KIF26B: variants seen among roughly 807,000 people sequenced by gnomAD.
KIF26B encodes the protein kinesin-like protein KIF26B.
KIF26B carries 63 observed loss-of-function variants against 151.2 expected under a neutral mutation model. That is an observed-to-expected ratio of 0.42 (90% confidence interval 0.34 to 0.51). The LOEUF is 0.51. KIF26B is among the 20% of genes least tolerant of loss of function. The pLI, the probability that KIF26B is intolerant of heterozygous loss-of-function variation, is 0.07. For missense variants in KIF26B, 2,813 were observed against 2,913.6 expected (o/e 0.97, Z 0.79); for synonymous variants, 1,357 against 1,262.1 (o/e 1.08, Z -1.59).
At chr1:245,640,119 T>A (rs2043873628) in intron 9 of KIF26B, among the ~76,000 whole-genome samples, 1 of 44,984 alleles carries the variant, frequency 2.2e-5, no homozygotes, top group African/African-American at 1.1e-4. Context: ...TCTACTAATA[T>A]TTGCTCTCTC....
intron 2 of KIF26B, among the ~76,000 whole-genome samples, chr1:245,285,827 T>A (rs1408347083): frequency 4.6e-5 from 7 of 151,394 alleles, no homozygotes; most frequent in Non-Finnish European, 7.4e-5. Context: ...TACCAAAAAA[T>A]TTTTAAAAAT....
At chr1:245,293,469 CT>C (rs906254935) in intron 2 of KIF26B, among the ~76,000 whole-genome samples, 10 of 152,150 alleles carry the variant, frequency 6.6e-5, no homozygotes, top group Admixed American at 4.6e-4. Flanking sequence ...GCCCTGGTGG[CT>C]TCCAGGTCTT....
intron 4 of KIF26B, among the ~76,000 whole-genome samples, chr1:245,449,001 C>T (rs1659314829): frequency 6.6e-6 from 1 of 152,152 alleles, no homozygotes; most frequent in Non-Finnish European, 1.5e-5. Context: ...AGTAGAGAAC[C>T]TCTAATGCCT....
intron 5 of KIF26B, among the ~76,000 whole-genome samples, chr1:245,579,256 T>C (rs2043151984): frequency 6.6e-6 from 1 of 152,212 alleles, no homozygotes. Flanking sequence ...AAGAACATTC[T>C]GGAAACTTTG....
intron 2 of KIF26B, among the ~76,000 whole-genome samples, chr1:245,190,646 T>TG (rs1161030991): frequency 2.0e-5 from 3 of 151,118 alleles, no homozygotes; most frequent in Non-Finnish European, 4.4e-5. Flanking sequence ...TTTGTTTTTT[T>TG]TTTTTTTTAC....
chr1:245,344,419 C>T (rs1486284260), intron 2 of KIF26B, among the ~76,000 whole-genome samples: 1 of 144,162 alleles, frequency 6.9e-6, no homozygotes, highest in Non-Finnish European at 1.5e-5. Flanking sequence ...GGCGTGAACC[C>T]GGAGGGCGGA....
chr1:245,209,890 G>A (rs1187427431), intron 2 of KIF26B, among the ~76,000 whole-genome samples: 1 of 152,232 alleles, frequency 6.6e-6, no homozygotes, highest in Non-Finnish European at 1.5e-5. Context: ...CACGCTCGGC[G>A]TGCAAGGCAT....
chr1:245,190,670 G>A (rs1573698681), intron 2 of KIF26B, among the ~76,000 whole-genome samples: 1 of 125,920 alleles, frequency 7.9e-6, no homozygotes, highest in Non-Finnish European at 1.6e-5. Flanking sequence ...TCTTACAGAT[G>A]TCTATTAAAA....
intron 2 of KIF26B, among the ~76,000 whole-genome samples, chr1:245,269,657 GT>G (rs1321393035): frequency 6.6e-6 from 1 of 151,900 alleles, no homozygotes; most frequent in Non-Finnish European, 1.5e-5. Context: ...TAGAGATGGG[GT>G]TTCACTGTGT....
intron 5 of KIF26B, among the ~76,000 whole-genome samples, chr1:245,574,217 C>T (rs2043094125): frequency 6.6e-6 from 1 of 152,108 alleles, no homozygotes. Context: ...GATCTCGGCT[C>T]ACTGCAAACT....
At chr1:245,157,869 T>A (rs956700893) in intron 2 of KIF26B, among the ~76,000 whole-genome samples, 12 of 152,238 alleles carry the variant, frequency 7.9e-5, no homozygotes, top group African/African-American at 2.9e-4. Flanking sequence ...ATTCACAGAT[T>A]TATTTGCTCT....
chr1:245,419,548 T>C, intron 3 of KIF26B, 31 bp from the exon 4 acceptor site: 2 of 1,585,356 alleles, frequency 1.3e-6, no homozygotes, highest in Non-Finnish European at 1.7e-6. Context: ...GAGCCACAGG[T>C]AATGAGCTCC....
chr1:245,159,606 T>C (rs1365016014), intron 2 of KIF26B, among the ~76,000 whole-genome samples: 3 of 152,266 alleles, frequency 2.0e-5, no homozygotes, highest in Admixed American at 2.0e-4. Flanking sequence ...AAGGTTTTTC[T>C]TATAAGATAT....
intron 4 of KIF26B, among the ~76,000 whole-genome samples, chr1:245,525,495 G>A (rs187361433): frequency 5.9e-5 from 9 of 152,300 alleles, no homozygotes; most frequent in African/African-American, 2.2e-4. Context: ...TAAGATGTCT[G>A]TGAAATTTTA....
chr1:245,501,901 A>G (rs947604025), intron 4 of KIF26B, among the ~76,000 whole-genome samples: 2 of 152,206 alleles, frequency 1.3e-5, no homozygotes, highest in African/African-American at 4.8e-5. Flanking sequence ...TACCTACTGC[A>G]CTGCCGCACA....
chr1:245,677,350 C>T (rs1282559999), intron 10 of KIF26B, among the ~76,000 whole-genome samples: 1 of 152,236 alleles, frequency 6.6e-6, no homozygotes, highest in African/African-American at 2.4e-5. Flanking sequence ...ATTACACAAG[C>T]CAGAGTCACC....
intron 4 of KIF26B, among the ~76,000 whole-genome samples, chr1:245,463,209 C>G (rs1659691055): frequency 6.6e-6 from 1 of 152,224 alleles, no homozygotes; most frequent in South Asian, 2.1e-4. Context: ...GGTGCTCAAT[C>G]TGCTGCATGC....
At chr1:245,556,367 T>TC in intron 5 of KIF26B, among the ~76,000 whole-genome samples, 1 of 134,322 alleles carries the variant, frequency 7.4e-6, no homozygotes. Flanking sequence ...TCCTCCTTCT[T>TC]CTTCTTCCTC....
At chr1:245,160,065 T>G (rs181266469) in intron 2 of KIF26B, among the ~76,000 whole-genome samples, 1 of 152,322 alleles carries the variant, frequency 6.6e-6, no homozygotes, top group Admixed American at 6.5e-5. Flanking sequence ...ACTTTGTTTT[T>G]GGCTATCTCA....
Sources: gnomAD v4.1 joint callset for allele counts (sites outside exome capture counted in the v4.1 genomes callset) on GRCh38, gnomAD v4.1.1 for gene constraint, MANE v1.5 for transcripts, NCBI Gene and HGNC (gene_info 2026-07-23, HGNC 2026-07-21) for gene names.